SEL1L: variants seen among roughly 807,000 people sequenced by gnomAD.
SEL1L encodes the protein SEL1L adaptor subunit of SYVN1 ubiquitin ligase.
A neutral mutation model predicts 109.8 loss-of-function variants in SEL1L; 52 were observed. The ratio of observed to expected loss-of-function variants is 0.47; its 90% CI spans 0.38 to 0.60. SEL1L has a LOEUF of 0.60. Ranked by LOEUF, SEL1L falls within the 20% of genes least tolerant of loss-of-function variation. The probability of loss-of-function intolerance (pLI) is 0.00; values close to 1 mark genes in which losing one functional copy is unlikely to be tolerated. For missense variants in SEL1L, 749 were observed against 962.2 expected, an observed-to-expected ratio of 0.78 and a Z score of 2.93; for synonymous variants, 373 against 339.6, an observed-to-expected ratio of 1.10 and a Z score of -1.08.
intron 11 of SEL1L, among the ~76,000 whole-genome samples, chr14:81,494,736 G>A (rs756546989): frequency 1.3e-5 from 2 of 152,116 alleles, no homozygotes; most frequent in Non-Finnish European, 2.9e-5. Flanking sequence ...ACCAATTATT[G>A]TATCTTTTAA....
rs200760592 is a variant in SEL1L at position 81,486,302 on chromosome 14, A to G, written c.1785T>C (p.Phe595=). 1.2e-6 allele frequency: 2 copies of G among 1,614,172 alleles called. No individual in the cohort carries two copies. Among genetic ancestry groups the G allele is most frequent in the Non-Finnish European group, 1.7e-6 (2 of 1,180,002 alleles). Residue 595 remains phenylalanine (F), a synonymous_variant, in exon 17 of 21, where the codon TTT becomes TTC. Coordinates refer to ENST00000336735, the MANE Select transcript of SEL1L (RefSeq NM_005065.6). ...GYEVAQSNAA[F]ILDQREASIV... ...AATGAACCTTACTCTGATCAAGAAT[A>G]AAGGCTGCATTGCTTTGTGCCACTT... is the stretch of plus-strand genomic sequence containing the variant.
In SEL1L at chr14:81,476,788, G is replaced by C. The variant is rs1174493512; in HGVS notation, c.*184C>G. 2 of 597,970 alleles carry C rather than the reference G, an allele frequency of 3.3e-6. No homozygotes were observed. The highest frequency in any genetic ancestry group is 3.7e-5 in the African/African-American group (2 of 54,042). 37.0% of individuals were successfully genotyped at this position (597,970 alleles called of 1,614,324 possible). A position where few individuals can be genotyped will look rare whatever the true frequency, so the allele number is the denominator to read the frequency against. On this transcript the variant is annotated 3_prime_UTR_variant, in exon 21 of 21. Coordinates refer to ENST00000336735, the MANE Select transcript of SEL1L (RefSeq NM_005065.6). ...GAAACAAACATTCAGCTCAGTTTAGGTAAGAGTTACTTATCCCTGAAAATA... is the reference window on the plus strand; with the variant it reads ...GAAACAAACATTCAGCTCAGTTTAGCTAAGAGTTACTTATCCCTGAAAATA...
At chr14:81,527,121 T>A (rs1274748276) in intron 2 of SEL1L, among the ~76,000 whole-genome samples, 157 bp from the exon 3 acceptor site, 1 of 152,232 alleles carries the variant, frequency 6.6e-6, no homozygotes, top group Non-Finnish European at 1.5e-5. Context: ...GTCCATCACG[T>A]GCCTTCCTTC....
chr14:81,533,317 A>G (rs1279951967), intron 1 of SEL1L, among the ~76,000 whole-genome samples: 2 of 152,194 alleles, frequency 1.3e-5, no homozygotes, highest in African/African-American at 4.8e-5. Flanking sequence ...TCCCAAGCCC[A>G]GAGTTCTAGA....
rs1883871987 is a variant in SEL1L at position 81,498,503 on chromosome 14, C to A, written c.892-9G>T. 18 of 1,610,532 alleles carry A rather than the reference C, an allele frequency of 1.1e-5. No homozygotes were observed. The highest frequency in any genetic ancestry group is 1.4e-5 in the Non-Finnish European group (17 of 1,177,340). On this transcript the variant is annotated splice_polypyrimidine_tract_variant and intron_variant, in intron 8 of 20. Transcript: ENST00000336735. ...GCCCAGTATCTGTAACCCTGTAAAA[C>A]AACTTCACGTGAGGAGGCAGCAGTT...
chr14:81,504,581 T>C (rs1436553589), intron 4 of SEL1L, among the ~76,000 whole-genome samples: 1 of 152,102 alleles, frequency 6.6e-6, no homozygotes, highest in African/African-American at 2.4e-5. Context: ...TACTTTTCTG[T>C]TGGTAATGCT....
intron 1 of SEL1L, 60 bp downstream of exon 1, chr14:81,533,615 G>A (rs1426431425): frequency 2.7e-5 from 42 of 1,544,666 alleles, no homozygotes; most frequent in South Asian, 6.9e-5. Flanking sequence ...CGGCCCCGCC[G>A]GCTGTAGAGG....
intron 6 of SEL1L, 89 bp downstream of exon 6, chr14:81,502,632 T>C: frequency 7.6e-7 from 1 of 1,311,096 alleles, no homozygotes; most frequent in Non-Finnish European, 1.0e-6. Context: ...GTCTGACTTT[T>C]TAAAAGAAGT....
intron 12 of SEL1L, among the ~76,000 whole-genome samples, chr14:81,491,542 C>T (rs1412276143): frequency 6.6e-6 from 1 of 152,186 alleles, no homozygotes; most frequent in African/African-American, 2.4e-5. Flanking sequence ...GTAGTTACCA[C>T]ACCCCAATTA....
chr14:81,496,336 A>G (rs1264063562), intron 10 of SEL1L, among the ~76,000 whole-genome samples: 1 of 149,878 alleles, frequency 6.7e-6, no homozygotes, highest in South Asian at 2.1e-4. Flanking sequence ...AACAAAAACA[A>G]AAACAAAAAA....
chr14:81,533,808 A>G lies in SEL1L; in HGVS notation c.-64T>C. 2 of 1,497,522 alleles carry G rather than the reference A, an allele frequency of 1.3e-6. No individual in the cohort carries two copies. The highest frequency in any genetic ancestry group is 1.8e-5 in the Admixed American group (1 of 54,776). 92.8% of individuals were successfully genotyped at this position (1,497,522 alleles called of 1,614,324 possible). ...CCTTCGCCTCTGCCACCACGGACTC[A>G]GCCACCACCGCCGCCTCGCCGCTGC... On this transcript the variant is annotated 5_prime_UTR_variant, in exon 1 of 21. Transcript: ENST00000336735.
rs1192884400 is a variant in SEL1L, at chr14:81,506,994, A to G, written c.341-753T>C. On this transcript the variant is annotated intron_variant, in intron 3 of 20. Coordinates refer to ENST00000336735, the MANE Select transcript of SEL1L (RefSeq NM_005065.6). ...TCCCCTCTCAGGAACTGAGGTTTCAATTGAACCTGAAGGGCGTGCAGGAGT... is the reference window on the plus strand; with the variant it reads ...TCCCCTCTCAGGAACTGAGGTTTCAGTTGAACCTGAAGGGCGTGCAGGAGT... Among the ~76,000 whole-genome samples, 5 of 152,220 alleles carry G rather than the reference A, an allele frequency of 3.3e-5. No homozygotes were observed. The South Asian group carries it at 1.0e-3, about 31-fold the overall frequency.
At chr14:81,481,831 G>C (rs950547445) in intron 19 of SEL1L, among the ~76,000 whole-genome samples, 4 of 152,246 alleles carry the variant, frequency 2.6e-5, no homozygotes, top group African/African-American at 9.6e-5. Flanking sequence ...AGGAGTTCAA[G>C]ACCAGCCTGG....
rs1903100019 is a variant in SEL1L at position 81,474,452 on chromosome 14, C to CT, written c.*2519dup. On this transcript the variant is annotated 3_prime_UTR_variant, in exon 21 of 21. Transcript: ENST00000336735. ...TACCATGGACAAATGAAGCCACACT[C>CT]TATCTGTTAAATCTAAATTCTAACA... The CT allele has an allele frequency of 6.6e-6, 1 of 152,146 alleles. No individual in the cohort carries two copies. Among genetic ancestry groups the CT allele is most frequent in the African/African-American group, 2.4e-5 (1 of 41,426 alleles). The allele number at this position is 152,146 out of a possible 1,614,324, so 9.4% of individuals were successfully genotyped here. A position where few individuals can be genotyped will look rare whatever the true frequency, so the allele number is the denominator to read the frequency against.
intron 19 of SEL1L, among the ~76,000 whole-genome samples, chr14:81,481,131 A>G (rs1339529060): frequency 6.6e-6 from 1 of 152,202 alleles, no homozygotes; most frequent in African/African-American, 2.4e-5. Flanking sequence ...ATATTTCTGT[A>G]AAGGGTGAAA....
In SEL1L at chr14:81,533,825, C is replaced by A; in HGVS notation, c.-81G>T. The stretch of plus-strand genomic sequence containing the variant: ...ACGGACTCAGCCACCACCGCCGCCT[C>A]GCCGCTGCTCTTCCTGCTCTAGTCT... On this transcript the variant is annotated 5_prime_UTR_variant, in exon 1 of 21. Coordinates refer to ENST00000336735, the MANE Select transcript of SEL1L (RefSeq NM_005065.6). The A allele has an allele frequency of 2.2e-6, 3 of 1,370,270 alleles. No homozygotes were observed. Among genetic ancestry groups the A allele is most frequent in the Non-Finnish European group, 3.1e-6 (3 of 978,766 alleles). The allele number at this position is 1,370,270 out of a possible 1,614,324, so 84.9% of individuals were successfully genotyped here. A position where few individuals can be genotyped will look rare whatever the true frequency, so the allele number is the denominator to read the frequency against.
chr14:81,509,178 T>C (rs1019953303), intron 3 of SEL1L, among the ~76,000 whole-genome samples: 5 of 152,222 alleles, frequency 3.3e-5, no homozygotes, highest in Non-Finnish European at 5.9e-5. Context: ...AACTCTCTAG[T>C]TTCAAATCGA....
intron 2 of SEL1L, 130 bp from the exon 3 acceptor site, chr14:81,527,094 T>A: frequency 1.5e-6 from 1 of 684,246 alleles, no homozygotes. Flanking sequence ...CACTCATCTC[T>A]ATAGGCTTTG....
chr14:81,484,165 T>C (rs939291002), intron 19 of SEL1L, 60 bp downstream of exon 19: 1 of 1,512,056 alleles, frequency 6.6e-7, no homozygotes, highest in South Asian at 1.2e-5. Flanking sequence ...TCTATACAAA[T>C]GCAAGTATTT....
Sources: allele counts gnomAD v4.1 joint callset (sites outside exome capture counted in the v4.1 genomes callset), GRCh38; gene constraint gnomAD v4.1.1; transcripts MANE v1.5; gene names NCBI Gene and HGNC (gene_info 2026-07-23, HGNC 2026-07-21).